Variants in SEC11C observed in about 807,000 individuals in gnomAD.
SEC11C encodes the protein SEC11 homolog C, signal peptidase complex subunit.
SEC11C carries 10 observed loss-of-function variants against 21.9 expected under a neutral mutation model. The observed-to-expected ratio is 0.46, with a 90% CI of 0.28 to 0.77. The LOEUF is 0.77. Ranked by LOEUF, SEC11C falls within the 30% of genes least tolerant of loss-of-function variation. The probability of loss-of-function intolerance (pLI) is 0.12; values close to 1 mark genes in which losing one functional copy is unlikely to be tolerated. For missense variants in SEC11C, 145 were observed against 244.5 expected (o/e 0.59, Z 2.71); for synonymous variants, 83 against 85.6 (o/e 0.97, Z 0.17).
In SEC11C at chr18:59,158,105, G is replaced by A. The variant is rs558047308; in HGVS notation, c.525+440G>A. Reference sequence around the variant, plus strand: ...GAATCTGGCTCTGTTGCTCAGGCTGGAGTGCAGTGGCACAATTTCGGCTCA... The same window carrying A: ...GAATCTGGCTCTGTTGCTCAGGCTGAAGTGCAGTGGCACAATTTCGGCTCA... On this transcript the variant is annotated intron_variant, in intron 5 of 5. Transcript: ENST00000587834. Among the ~76,000 whole-genome samples, 194 of 152,050 alleles carry A rather than the reference G, an allele frequency of 1.3e-3. 1 individual carries two copies. The highest frequency in any genetic ancestry group is 2.1e-3 in the Non-Finnish European group (145 of 67,986).
rs770421783 is a variant in SEC11C at position 59,157,389 on chromosome 18, C to T, written c.468-219C>T. ...AAGACAACCAGCATCACTATCTCAA[C>T]CCAAGTGCCTACTTAGAAAACTTGT... On this transcript the variant is annotated intron_variant, in intron 4 of 5. Coordinates refer to ENST00000587834, the MANE Select transcript of SEC11C (RefSeq NM_033280.4). The T allele has an allele frequency of 9.0e-6, 4 of 446,736 alleles. 1 individual carries two copies. Among genetic ancestry groups the T allele is most frequent in the East Asian group, 7.3e-5 (2 of 27,466 alleles). The allele number at this position is 446,736 out of a possible 1,614,324, so 27.7% of individuals were successfully genotyped here.
intron 2 of SEC11C, among the ~76,000 whole-genome samples, chr18:59,151,733 G>A (rs1328310088): frequency 6.6e-6 from 1 of 152,162 alleles, no homozygotes; most frequent in South Asian, 2.1e-4. Context: ...GGTTCTTCCT[G>A]CTCAGCAGCC....
At position 59,139,969 on chromosome 18, in the gene SEC11C, G is replaced by A; in HGVS notation, c.21G>A (p.Val7=). Residue 7 remains valine, a synonymous_variant, in exon 1 of 6, where the codon GTG becomes GTA. Transcript: ENST00000587834. MVRAGA[V]GAHLPASGLD... Reference sequence around the variant, plus strand: ...CTGCTATGGTGCGTGCGGGCGCCGTGGGGGCTCATCTCCCCGCGTCCGGCT... The same window carrying A: ...CTGCTATGGTGCGTGCGGGCGCCGTAGGGGCTCATCTCCCCGCGTCCGGCT... The A allele has an allele frequency of 1.9e-6, 3 of 1,590,654 alleles. No homozygotes were observed. Among genetic ancestry groups the A allele is most frequent in the Non-Finnish European group, 2.6e-6 (3 of 1,166,856 alleles).
chr18:59,149,567 T>C lies in SEC11C; in HGVS notation c.142T>C (p.Trp48Arg), dbSNP rs748755188. The C allele has an allele frequency of 6.2e-7, 1 of 1,613,366 alleles. No individual in the cohort carries two copies. The highest frequency in any genetic ancestry group is 2.2e-5 in the East Asian group (1 of 44,832). Reference protein sequence around the residue: ...AMIVSSALMIWKGLIVLTGSE... With the variant: ...AMIVSSALMIRKGLIVLTGSE... ...GATCGTGTCTTCTGCACTCATGATA[T>C]GGAAAGGCTTGATCGTGCTCACAGG... Residue 48 changes from tryptophan to arginine, a missense_variant, in exon 2 of 6, where the codon TGG (tryptophan) becomes CGG (arginine). Physicochemically the swap from Trp to Arg is moderately radical, Grantham distance 101. Transcript: ENST00000587834.
At chr18:59,142,048 ATGG>A (rs1246220034) in intron 1 of SEC11C, among the ~76,000 whole-genome samples, 2 of 152,244 alleles carry the variant, frequency 1.3e-5, no homozygotes, top group East Asian at 1.9e-4. Flanking sequence ...CCTGTGAAAC[ATGG>A]TGGTGGTTTT....
chr18:59,152,238 C>CTT lies in SEC11C; in HGVS notation c.198-292_198-291dup, dbSNP rs1555658450. 1.3e-5 allele frequency among the ~76,000 whole-genome samples: 2 copies of CTT among 151,698 alleles called. 1 individual carries two copies. The highest frequency in any genetic ancestry group is 1.3e-4 in the Admixed American group (2 of 15,214). ...CACTACTATATTTGTAGATGCAGGA[C>CTT]TTTTTTTAAAGCTAAAAATTGGTAG... On this transcript the variant is annotated intron_variant, in intron 2 of 5. Coordinates refer to ENST00000587834, the MANE Select transcript of SEC11C (RefSeq NM_033280.4).
At chr18:59,145,104 A>G (rs950342346) in intron 1 of SEC11C, among the ~76,000 whole-genome samples, 1 of 152,268 alleles carries the variant, frequency 6.6e-6, no homozygotes, top group African/African-American at 2.4e-5. Context: ...ATGCTTAATT[A>G]TGATGCTGAT....
At position 59,149,776 on chromosome 18, in the gene SEC11C, GA is replaced by G. The variant is rs531796894; in HGVS notation, c.197+158del. Among the ~76,000 whole-genome samples, 5 of 152,244 alleles carry G rather than the reference GA, an allele frequency of 3.3e-5. No homozygotes were observed. In the East Asian group the frequency reaches 9.7e-4, roughly 29 times the overall value. On this transcript the variant is annotated intron_variant, in intron 2 of 5. Coordinates refer to ENST00000587834, the MANE Select transcript of SEC11C (RefSeq NM_033280.4). ...ATTAGTCTTTATTGATATCTATTTT[GA>G]AAATGTTTCGTTTTTTTTCTGGCTT...
At chr18:59,151,237 A>G (rs768791309) in intron 2 of SEC11C, among the ~76,000 whole-genome samples, 2 of 152,058 alleles carry the variant, frequency 1.3e-5, no homozygotes, top group Non-Finnish European at 2.9e-5. Context: ...CTTTTCTATC[A>G]ACATCTTCCC....
At chr18:59,140,476 A>G (rs1209241745) in intron 1 of SEC11C, among the ~76,000 whole-genome samples, 1 of 152,218 alleles carries the variant, frequency 6.6e-6, no homozygotes, top group Admixed American at 6.5e-5. Context: ...CTTTCCTACA[A>G]CGGGAGCTGT....
intron 1 of SEC11C, among the ~76,000 whole-genome samples, chr18:59,141,910 T>C (rs1176349632): frequency 2.0e-5 from 3 of 152,242 alleles, no homozygotes; most frequent in Non-Finnish European, 4.4e-5. Flanking sequence ...TGCTTAAAAC[T>C]CTTAGACATT....
In SEC11C at chr18:59,148,339, G is replaced by A. The variant is rs118187129; in HGVS notation, c.88-1174G>A. On this transcript the variant is annotated intron_variant, in intron 1 of 5. Transcript: ENST00000587834. Reference sequence around the variant, plus strand: ...TCCCTCTTGCGCCTGGAAGGAAGGCGGATGTTTGGGCTGACAGGTCAGCTC... The same window carrying A: ...TCCCTCTTGCGCCTGGAAGGAAGGCAGATGTTTGGGCTGACAGGTCAGCTC... Among the ~76,000 whole-genome samples, 49 of 152,356 alleles carry A rather than the reference G, an allele frequency of 3.2e-4. No homozygotes were observed. The East Asian group carries it at 8.5e-3, about 26-fold the overall frequency.
chr18:59,157,506 G>A (rs370588797), intron 4 of SEC11C, 102 bp from the exon 5 acceptor site: 42 of 838,824 alleles, frequency 5.0e-5, no homozygotes, highest in Admixed American at 9.3e-5. Context: ...GCATTCCCTC[G>A]TACAATTCAT....
intron 1 of SEC11C, among the ~76,000 whole-genome samples, chr18:59,140,927 G>C (rs974983256): frequency 2.0e-5 from 3 of 152,122 alleles, no homozygotes; most frequent in Non-Finnish European, 4.4e-5. Context: ...GGACCTGTAG[G>C]ACCTGAATAT....
rs1045924509 is a variant in SEC11C, at chr18:59,158,349, T to C, written c.526-283T>C. The stretch of plus-strand genomic sequence containing the variant: ...GGGATTACAGGCGTGTATCCATATT[T>C]TTTAAAAAAATCACTTGACAAACAA... On this transcript the variant is annotated intron_variant, in intron 5 of 5. Coordinates refer to ENST00000587834, the MANE Select transcript of SEC11C (RefSeq NM_033280.4). 4.6e-5 allele frequency among the ~76,000 whole-genome samples: 7 copies of C among 151,620 alleles called. No homozygotes were observed. In the Admixed American group the frequency reaches 4.6e-4, roughly 10 times the overall value.
intron 4 of SEC11C, 54 bp from the exon 5 acceptor site, chr18:59,157,554 A>C: frequency 8.4e-7 from 1 of 1,190,212 alleles, no homozygotes; most frequent in Non-Finnish European, 1.3e-6. Flanking sequence ...AGATGTTGCC[A>C]TCATCATGTT....
Position 59,144,846 on chromosome 18 carries a change from T to C in SEC11C, c.88-4667T>C, listed in dbSNP as rs116873400. Among the ~76,000 whole-genome samples the C allele has an allele frequency of 2.4e-4, 37 of 152,308 alleles. 1 individual carries two copies. The East Asian group carries it at 7.1e-3, about 29-fold the overall frequency. On this transcript the variant is annotated intron_variant, in intron 1 of 5. Coordinates refer to ENST00000587834, the MANE Select transcript of SEC11C (RefSeq NM_033280.4). ...TTATGTTTATTTACTACTTGTATTTTCCTTTGGAAAATTATAGTTTTAAGC... is the reference window on the plus strand; with the variant it reads ...TTATGTTTATTTACTACTTGTATTTCCCTTTGGAAAATTATAGTTTTAAGC...
intron 2 of SEC11C, among the ~76,000 whole-genome samples, chr18:59,151,319 C>CTTT (rs34093810): frequency 4.1e-5 from 6 of 145,888 alleles, no homozygotes; most frequent in South Asian, 2.2e-4. Flanking sequence ...AGCATTTTAG[C>CTTT]TTTTTTTTTT....
At chr18:59,154,780 A>C (rs939566503) in intron 3 of SEC11C, among the ~76,000 whole-genome samples, 1 of 152,216 alleles carries the variant, frequency 6.6e-6, no homozygotes, top group Non-Finnish European at 1.5e-5. Flanking sequence ...AAATTGGTCT[A>C]TGAGGCTGGG....
Sources: gnomAD v4.1 joint callset for allele counts (sites outside exome capture counted in the v4.1 genomes callset) on GRCh38, gnomAD v4.1.1 for gene constraint, MANE v1.5 for transcripts, NCBI Gene and HGNC (gene_info 2026-07-23, HGNC 2026-07-21) for gene names.